The following TGIF1 variants were observed in gnomAD, a reference collection of about 807,000 sequenced individuals.
TGIF1 encodes the protein TGFB induced factor homeobox 1.
TGIF1 carries 4 observed loss-of-function variants against 19.3 expected under a neutral mutation model. That is an observed-to-expected ratio of 0.21 (90% CI 0.10 to 0.47). The LOEUF (loss-of-function observed/expected upper bound fraction) is 0.47, where lower values mean the gene tolerates loss of function less well. TGIF1 is among the 20% of genes least tolerant of loss of function. The pLI is 0.98. For synonymous variants in TGIF1, 122 were observed against 129.3 expected, an observed-to-expected ratio of 0.94 and a Z score of 0.38; for missense variants, 275 against 341.4, an observed-to-expected ratio of 0.81 and a Z score of 1.53.
chr18:3,448,191 G>T (rs1416131975), upstream of TGIF1: 1 of 983,692 alleles, frequency 1.0e-6, no homozygotes, highest in African/African-American at 1.8e-5. Context: ...CCCAGTAACC[G>T]CCCGGTTCCA....
chr18:3,423,524 A>G (rs2082433399), intron 2 of TGIF1, among the ~76,000 whole-genome samples: 1 of 152,022 alleles, frequency 6.6e-6, no homozygotes. Flanking sequence ...CTAAAAAAAT[A>G]CAAAAAATTA....
upstream of TGIF1, among the ~76,000 whole-genome samples, chr18:3,446,033 G>T (rs1240120960): frequency 6.6e-6 from 1 of 152,048 alleles, no homozygotes; most frequent in East Asian, 1.9e-4. Flanking sequence ...TGTGTTAAGT[G>T]ATCTTGACTT....
intron 2 of TGIF1, among the ~76,000 whole-genome samples, chr18:3,426,929 TTTTTTTTTTTGGAGAC>T (rs2082477856): frequency 6.7e-6 from 1 of 149,134 alleles, no homozygotes; most frequent in African/African-American, 2.5e-5. Context: ...TTTTTTTTTT[TTTTTTTTTTTGGAGAC>T]GGAGTTTCAC....
chr18:3,425,780 G>A (rs8095532), intron 2 of TGIF1, among the ~76,000 whole-genome samples: 14,710 of 152,120 alleles, frequency 0.097, 1,048 homozygotes, highest in African/African-American at 0.19. Flanking sequence ...TCTCCTGCGT[G>A]GTGCCAGCAT....
At chr18:3,447,393 A>G (rs1339445055), upstream of TGIF1, among the ~76,000 whole-genome samples, 1 of 151,766 alleles carries the variant, frequency 6.6e-6, no homozygotes, top group Non-Finnish European at 1.5e-5. Context: ...AATCCGTTTT[A>G]TAGCAAGGCC....
In TGIF1 at chr18:3,451,941, G is replaced by T. The variant is rs1184173328; in HGVS notation, c.16+1436G>T. ...GAGACACGCGCTGTCTGTTGTGGTG[G>T]GCCTCCCGGGAATAAGTGAGGGGCT... On this transcript the variant is annotated intron_variant, in intron 1 of 2. Coordinates refer to ENST00000343820, the MANE Select transcript of TGIF1 (RefSeq NM_003244.4). The surrounding 1 kb of genome is among the most constrained non-coding windows in gnomAD (Gnocchi z 5.4). The T allele has an allele frequency of 6.5e-7, 1 of 1,547,728 alleles. No homozygotes were observed. Among genetic ancestry groups the T allele is most frequent in the Admixed American group, 1.9e-5 (1 of 52,794 alleles).
chr18:3,429,084 C>T (rs2082513542), intron 2 of TGIF1, among the ~76,000 whole-genome samples: 1 of 152,026 alleles, frequency 6.6e-6, no homozygotes, highest in Non-Finnish European at 1.5e-5. Context: ...TAGAGACGGG[C>T]CTTGCTCTGT....
intron 1 of TGIF1, among the ~76,000 whole-genome samples, chr18:3,412,534 A>G (rs1236924639): frequency 6.6e-6 from 1 of 152,210 alleles, no homozygotes; most frequent in Non-Finnish European, 1.5e-5. Context: ...ACGAGCACGC[A>G]TAGGGAAAAT....
At chr18:3,412,370 A>T (rs2082282455) in intron 1 of TGIF1, 1 of 152,036 alleles carries the variant, frequency 6.6e-6, no homozygotes, top group Non-Finnish European at 1.5e-5. Context: ...CATTATTTTC[A>T]TTAGCACTAG....
At chr18:3,448,583 G>A (rs1260342654), upstream of TGIF1, 2 of 985,296 alleles carry the variant, frequency 2.0e-6, no homozygotes, top group Non-Finnish European at 2.4e-6. Flanking sequence ...AACCACAGAA[G>A]AAAAAAATCG....
rs954279745 is a variant in TGIF1 at position 3,458,005 on chromosome 18, T to C, written c.*65T>C. The C allele has an allele frequency of 7.2e-7, 1 of 1,395,364 alleles. No homozygotes were observed. The highest frequency in any genetic ancestry group is 9.9e-7 in the Non-Finnish European group (1 of 1,008,744). The allele number at this position is 1,395,364 out of a possible 1,614,324, so 86.4% of individuals were successfully genotyped here. A position where few individuals can be genotyped will look rare whatever the true frequency, so the allele number is the denominator to read the frequency against. ...TGCCGGGGTGAAGGCAAGAGATGAA[T>C]TGCATTATTTTATATATTTTTTATT... On this transcript the variant is annotated 3_prime_UTR_variant, in exon 3 of 3. Transcript: ENST00000343820.
upstream of TGIF1, chr18:3,448,076 G>T (rs187502285): frequency 9.9e-4 from 972 of 978,978 alleles, 5 homozygotes; most frequent in African/African-American, 0.014. Flanking sequence ...AAGCGGGCGG[G>T]GGGGGAGGTA....
intron 2 of TGIF1, among the ~76,000 whole-genome samples, chr18:3,441,639 T>C (rs955259903): frequency 2.0e-5 from 3 of 152,242 alleles, no homozygotes; most frequent in Non-Finnish European, 2.9e-5. Context: ...AGAATATACA[T>C]AGGTGCATTT....
At chr18:3,446,052 A>G (rs1338349529), upstream of TGIF1, among the ~76,000 whole-genome samples, 1 of 152,234 alleles carries the variant, frequency 6.6e-6, no homozygotes, top group Non-Finnish European at 1.5e-5. Context: ...TTTTTAAAAA[A>G]AATAACTAAC....
At chr18:3,450,070 G>A (rs2082852027), upstream of TGIF1, 2 of 1,019,536 alleles carry the variant, frequency 2.0e-6, no homozygotes, top group South Asian at 7.9e-5. Context: ...CCGGCTGGAA[G>A]GTGCGGGGGA....
intron 1 of TGIF1, chr18:3,452,449 G>C: frequency 6.2e-7 from 1 of 1,605,884 alleles, no homozygotes; most frequent in Non-Finnish European, 8.5e-7. Context: ...GGCTGCCGAG[G>C]TTACCCGGGT....
In TGIF1 at chr18:3,457,024, A is replaced by T; in HGVS notation, c.244-341A>T. On this transcript the variant is annotated intron_variant, in intron 2 of 2. Coordinates refer to ENST00000343820, the MANE Select transcript of TGIF1 (RefSeq NM_003244.4). This position sits in a 1 kb window ranked among gnomAD's most constrained non-coding sequence, Gnocchi z 4.9. ...TGATTAACTTAAATGTTGGGGCAGT[A>T]GGTGATAGGTTAAAATGGGGAGAGT... 1 of 554,138 alleles carries T rather than the reference A, an allele frequency of 1.8e-6. No individual in the cohort carries two copies. The highest frequency in any genetic ancestry group is 2.2e-5 in the South Asian group (1 of 44,878). The allele number at this position is 554,138 out of a possible 1,614,324, so 34.3% of individuals were successfully genotyped here.
intron 1 of TGIF1, among the ~76,000 whole-genome samples, chr18:3,414,461 G>A (rs1028702257): frequency 2.6e-5 from 4 of 152,160 alleles, no homozygotes; most frequent in African/African-American, 9.7e-5. Context: ...TCAGTTTTCT[G>A]GCTTTGTAGC....
intron 2 of TGIF1, among the ~76,000 whole-genome samples, chr18:3,432,308 A>G (rs2082559708): frequency 6.6e-6 from 1 of 152,184 alleles, no homozygotes. Context: ...TGAACGACAA[A>G]TACAGACCAT....
Sources: gnomAD v4.1 joint callset for allele counts (sites outside exome capture counted in the v4.1 genomes callset) on GRCh38, gnomAD v4.1.1 for gene constraint, Gnocchi (gnomAD v3.1) non-coding constraint, MANE v1.5 for transcripts, NCBI Gene and HGNC (gene_info 2026-07-23, HGNC 2026-07-21) for gene names.